The following CAST variants were observed in gnomAD, a reference collection of about 807,000 sequenced individuals.
The protein encoded by CAST is calpastatin.
Under a neutral mutation model 119.6 loss-of-function variants are expected in CAST, and 76 were observed. That is an observed-to-expected ratio of 0.64 (90% CI 0.53 to 0.77). CAST has a LOEUF of 0.77. CAST is among the 30% of genes least tolerant of loss of function. CAST has a pLI of 0.00. For synonymous variants in CAST, 319 were observed against 331.6 expected, an observed-to-expected ratio of 0.96 and a Z score of 0.41; for missense variants, 953 against 946.5, an observed-to-expected ratio of 1.01 and a Z score of -0.09.
intron 25 of CAST, 44 bp downstream of exon 25, chr5:96,762,416 C>A (rs774239750): frequency 2.2e-6 from 3 of 1,394,874 alleles, no homozygotes; most frequent in South Asian, 1.4e-5. Flanking sequence ...TTTTGCGCAG[C>A]CACAACTAGA....
the CAST span, among the ~76,000 whole-genome samples, chr5:96,316,504 A>G: frequency 1.3e-5 from 2 of 152,228 alleles, no homozygotes; most frequent in African/African-American, 2.4e-5. Flanking sequence ...GATGCAGAGA[A>G]TGTTACCATG....
At chr5:96,201,584 ACT>A in the CAST span, among the ~76,000 whole-genome samples, 1 of 151,956 alleles carries the variant, frequency 6.6e-6, no homozygotes, top group Non-Finnish European at 1.5e-5. Flanking sequence ...CAATGTGTCC[ACT>A]CATCCCCACT....
intron 1 of CAST, among the ~76,000 whole-genome samples, chr5:96,599,975 A>AAAAAAAAAGAAAAG (rs762798506): frequency 5.7e-5 from 8 of 140,508 alleles, no homozygotes; most frequent in African/African-American, 2.8e-5. Context: ...GCAAAAAAAA[A>AAAAAAAAAGAAAAG]AAAAAAAACC....
At chr5:96,137,799 AG>A in the CAST span, among the ~76,000 whole-genome samples, 1 of 152,134 alleles carries the variant, frequency 6.6e-6, no homozygotes, top group South Asian at 2.1e-4. Flanking sequence ...ATCTTTGGTG[AG>A]GTGTCTGTTC....
chr5:96,726,784 C>T lies in CAST; in HGVS notation c.271-10C>T, dbSNP rs756242469. On this transcript the variant is annotated splice_polypyrimidine_tract_variant and intron_variant, in intron 4 of 31. Transcript: ENST00000675179. Reference sequence around the variant, plus strand: ...ATAAAATTATACCTGGGGCTGTGCTCTTATATTAGGCCATTCCAGTCAGCC... The same window carrying T: ...ATAAAATTATACCTGGGGCTGTGCTTTTATATTAGGCCATTCCAGTCAGCC... 31 of 1,604,414 alleles carry T rather than the reference C, an allele frequency of 1.9e-5. No individual in the cohort carries two copies. Among genetic ancestry groups the T allele is most frequent in the Non-Finnish European group, 2.5e-5 (29 of 1,172,894 alleles).
chr5:96,284,368 G>A, the CAST span, among the ~76,000 whole-genome samples: 1 of 152,136 alleles, frequency 6.6e-6, no homozygotes, highest in East Asian at 1.9e-4. Flanking sequence ...ATGCTGGGGT[G>A]CTAATAATCA....
At chr5:96,613,448 T>A (rs1747398246) in intron 1 of CAST, among the ~76,000 whole-genome samples, 1 of 152,224 alleles carries the variant, frequency 6.6e-6, no homozygotes, top group Admixed American at 6.5e-5. Flanking sequence ...TTGTGCTATC[T>A]GTATTTTCTG....
the CAST span, among the ~76,000 whole-genome samples, chr5:96,420,343 T>C: frequency 6.6e-6 from 1 of 152,196 alleles, no homozygotes; most frequent in South Asian, 2.1e-4. Flanking sequence ...TCCTGCATTA[T>C]CCTGCTTCAG....
At chr5:96,549,701 T>G (rs2350242) in intron 1 of CAST, among the ~76,000 whole-genome samples, 31,048 of 152,256 alleles carry the variant, frequency 0.2, 4,057 homozygotes, top group Non-Finnish European at 0.29. Flanking sequence ...ATATTGCACT[T>G]TTCCCATGGT....
the CAST span, chr5:96,433,347 G>T: frequency 1.4e-5 from 6 of 436,688 alleles, no homozygotes; most frequent in East Asian, 2.4e-4. Flanking sequence ...ACTAAGATCC[G>T]AATGGTATTC....
the CAST span, among the ~76,000 whole-genome samples, chr5:96,238,236 A>G: frequency 6.6e-6 from 1 of 151,964 alleles, no homozygotes; most frequent in Non-Finnish European, 1.5e-5. Flanking sequence ...ATCACACTAT[A>G]TTTAGGCAAT....
the CAST span, among the ~76,000 whole-genome samples, chr5:95,967,869 A>T: frequency 6.6e-6 from 1 of 152,214 alleles, no homozygotes; most frequent in Non-Finnish European, 1.5e-5. Flanking sequence ...GGGGTTTTGA[A>T]GTTTAAAAGC....
the CAST span, among the ~76,000 whole-genome samples, chr5:96,319,970 C>A: frequency 6.8e-6 from 1 of 147,206 alleles, no homozygotes; most frequent in Admixed American, 6.8e-5. Context: ...CTAGGCATAG[C>A]AAAGATCCCA....
chr5:96,475,193 C>T, the CAST span, among the ~76,000 whole-genome samples: 1 of 152,132 alleles, frequency 6.6e-6, no homozygotes, highest in Admixed American at 6.5e-5. Flanking sequence ...GGCCCCTCAT[C>T]CCAGTCTGGG....
intron 1 of CAST, among the ~76,000 whole-genome samples, chr5:96,548,013 A>C (rs921454009): frequency 3.3e-5 from 5 of 152,172 alleles, no homozygotes; most frequent in Non-Finnish European, 5.9e-5. Context: ...ACTTGAGCTA[A>C]GACTCCGTCT....
At chr5:96,413,800 CAAAAAAA>C in the CAST span, among the ~76,000 whole-genome samples, 1 of 105,702 alleles carries the variant, frequency 9.5e-6, no homozygotes, top group Non-Finnish European at 1.8e-5. Flanking sequence ...GACTCTGTCT[CAAAAAAA>C]AAAAAAAAAA....
the CAST span, among the ~76,000 whole-genome samples, chr5:96,280,148 A>G: frequency 6.6e-6 from 1 of 152,226 alleles, no homozygotes; most frequent in Non-Finnish European, 1.5e-5. Context: ...CTGGTGCCAT[A>G]ATGAACAAGA....
chr5:96,449,384 A>G, the CAST span, among the ~76,000 whole-genome samples: 2 of 152,180 alleles, frequency 1.3e-5, no homozygotes, highest in Non-Finnish European at 2.9e-5. Flanking sequence ...CATGCGAGGA[A>G]TCTGGGTTTC....
At chr5:96,754,567 G>T in intron 21 of CAST, 91 bp from the exon 22 acceptor site, 1 of 774,874 alleles carries the variant, frequency 1.3e-6, no homozygotes, top group South Asian at 1.6e-5. Flanking sequence ...CCTAATGATA[G>T]ATTTGTTTAC....
Sources: allele counts gnomAD v4.1 joint callset (sites outside exome capture counted in the v4.1 genomes callset), GRCh38; gene constraint gnomAD v4.1.1; transcripts MANE v1.5; gene names NCBI Gene and HGNC (gene_info 2026-07-23, HGNC 2026-07-21).